The following KIF26B variants were observed in gnomAD, a reference collection of about 807,000 sequenced individuals.
KIF26B encodes the protein kinesin-like protein KIF26B.
In KIF26B, 63 loss-of-function variants were observed where a neutral mutation model predicts 151.2. That is an observed-to-expected ratio of 0.42 (90% CI 0.34 to 0.51). The LOEUF is 0.51. Ranked by LOEUF, KIF26B falls within the 20% of genes least tolerant of loss-of-function variation. KIF26B has a pLI of 0.07. For synonymous variants in KIF26B, 1,357 were observed against 1,262.1 expected, an observed-to-expected ratio of 1.08 and a Z score of -1.59; for missense variants, 2,813 against 2,913.6, an observed-to-expected ratio of 0.97 and a Z score of 0.79.
chr1:245,682,110 T>G (rs2044446934), intron 10 of KIF26B, among the ~76,000 whole-genome samples: 2 of 152,172 alleles, frequency 1.3e-5, no homozygotes, highest in Admixed American at 6.5e-5. Context: ...CTGGGTGTGG[T>G]GGCGCGTGCC....
chr1:245,430,591 CG>C (rs1187297211), intron 4 of KIF26B, among the ~76,000 whole-genome samples: 1 of 152,010 alleles, frequency 6.6e-6, no homozygotes, highest in Non-Finnish European at 1.5e-5. Flanking sequence ...CGCTTGAGCC[CG>C]GGAGGTTGAG....
chr1:245,178,361 T>C (rs965193434), intron 2 of KIF26B, among the ~76,000 whole-genome samples: 3 of 152,200 alleles, frequency 2.0e-5, no homozygotes, highest in African/African-American at 7.2e-5. Context: ...TGCTTTTTTT[T>C]CAAATGCTTT....
chr1:245,568,268 C>T (rs975964588), intron 5 of KIF26B, among the ~76,000 whole-genome samples: 16 of 143,506 alleles, frequency 1.1e-4, no homozygotes, highest in Admixed American at 5.0e-4. Flanking sequence ...GTAATCCCAA[C>T]ACTTTGGGAA....
chr1:245,620,349 C>T (rs2043644506), intron 9 of KIF26B, among the ~76,000 whole-genome samples: 1 of 152,058 alleles, frequency 6.6e-6, no homozygotes, highest in South Asian at 2.1e-4. Context: ...TAGATTCTTA[C>T]AGTATTTTCC....
chr1:245,248,054 A>T, intron 2 of KIF26B, among the ~76,000 whole-genome samples: 1 of 152,004 alleles, frequency 6.6e-6, no homozygotes, highest in Non-Finnish European at 1.5e-5. Context: ...GGCCGTGCAC[A>T]TCCAAATGGC....
intron 3 of KIF26B, among the ~76,000 whole-genome samples, chr1:245,376,413 T>C (rs1189195707): frequency 6.7e-6 from 1 of 149,384 alleles, no homozygotes; most frequent in Non-Finnish European, 1.5e-5. Context: ...CTAGAATTAC[T>C]TGGGAGATTA....
At chr1:245,425,092 CACATTAATAG>C (rs1470409119) in intron 4 of KIF26B, among the ~76,000 whole-genome samples, 5 of 144,726 alleles carry the variant, frequency 3.5e-5, no homozygotes, top group African/African-American at 1.3e-4. Context: ...GCATGATTTT[CACATTAATAG>C]AAAATGGTGA....
intron 3 of KIF26B, among the ~76,000 whole-genome samples, chr1:245,415,144 C>A (rs527720240): frequency 6.6e-6 from 1 of 152,292 alleles, no homozygotes; most frequent in East Asian, 1.9e-4. Context: ...AAGGGATAGA[C>A]ACATCTGAGG....
intron 2 of KIF26B, among the ~76,000 whole-genome samples, chr1:245,335,578 C>CCCACGCGGGAAAAGGAGAGTG (rs1672202932): frequency 1.3e-5 from 2 of 151,164 alleles, no homozygotes; most frequent in South Asian, 2.1e-4. Flanking sequence ...AAAGGAGAGT[C>CCCACGCGGGAAAAGGAGAGTG]CCACGCGGGA....
chr1:245,374,930 C>G (rs960470295), intron 3 of KIF26B, among the ~76,000 whole-genome samples: 1 of 152,112 alleles, frequency 6.6e-6, no homozygotes, highest in Middle Eastern at 3.2e-3. Context: ...TACGTTCAAT[C>G]TGGGCGTTTG....
chr1:245,657,811 C>T (rs1254840288), intron 10 of KIF26B, among the ~76,000 whole-genome samples: 1 of 152,156 alleles, frequency 6.6e-6, no homozygotes, highest in Admixed American at 6.5e-5. Flanking sequence ...TTGTGAGATT[C>T]TTCTTATGTC....
intron 4 of KIF26B, among the ~76,000 whole-genome samples, chr1:245,484,218 C>T (rs138112593): frequency 6.6e-6 from 1 of 152,008 alleles, no homozygotes; most frequent in Non-Finnish European, 1.5e-5. Context: ...TGCTGGGTTA[C>T]ACTTTAACTC....
chr1:245,605,143 G>A (rs1480070439), intron 6 of KIF26B, among the ~76,000 whole-genome samples: 5 of 151,934 alleles, frequency 3.3e-5, no homozygotes, highest in Non-Finnish European at 5.9e-5. Context: ...TGTCAGGTGA[G>A]GACATGACCA....
chr1:245,565,235 C>T (rs1224643208), intron 5 of KIF26B, among the ~76,000 whole-genome samples: 1 of 151,964 alleles, frequency 6.6e-6, no homozygotes, highest in Non-Finnish European at 1.5e-5. Flanking sequence ...GGTGGGCCCT[C>T]AGAGCACAGT....
chr1:245,479,116 C>T (rs1660107099), intron 4 of KIF26B, among the ~76,000 whole-genome samples: 1 of 151,634 alleles, frequency 6.6e-6, no homozygotes, highest in South Asian at 2.1e-4. Context: ...GTCTGGAATT[C>T]AGGAAGCAGC....
chr1:245,590,967 G>A (rs1228613395), intron 5 of KIF26B, among the ~76,000 whole-genome samples: 1 of 151,464 alleles, frequency 6.6e-6, no homozygotes, highest in African/African-American at 2.4e-5. Context: ...GTCTGTCTCA[G>A]CTCTGTGAGT....
intron 5 of KIF26B, among the ~76,000 whole-genome samples, chr1:245,556,299 C>CCCTCCTCCTCCTTCCTT (rs1662029660): frequency 1.4e-5 from 2 of 146,468 alleles, no homozygotes; most frequent in Admixed American, 1.3e-4. Flanking sequence ...CCTCCTTCCT[C>CCCTCCTCCTCCTTCCTT]CCTCCTCCTC....
At chr1:245,238,817 G>C (rs920870225) in intron 2 of KIF26B, among the ~76,000 whole-genome samples, 1 of 152,108 alleles carries the variant, frequency 6.6e-6, no homozygotes, top group African/African-American at 2.4e-5. Context: ...AGCTGAGTTG[G>C]TGCCACTGCA....
chr1:245,355,212 A>G (rs1247060581), intron 2 of KIF26B, among the ~76,000 whole-genome samples: 4 of 152,192 alleles, frequency 2.6e-5, no homozygotes, highest in Non-Finnish European at 5.9e-5. Flanking sequence ...GGCGTGAGCC[A>G]CTGCGCCCGG....
Sources: allele counts gnomAD v4.1 joint callset (sites outside exome capture counted in the v4.1 genomes callset), GRCh38; gene constraint gnomAD v4.1.1; transcripts MANE v1.5; gene names NCBI Gene and HGNC (gene_info 2026-07-23, HGNC 2026-07-21).